The following AFF1 variants were observed in gnomAD, a reference collection of about 807,000 sequenced individuals.
AFF1 encodes the protein AF4/FMR2 family member 1.
Under a neutral mutation model 121.7 loss-of-function variants are expected in AFF1, and 48 were observed. The ratio of observed to expected loss-of-function variants is 0.39; its 90% CI spans 0.31 to 0.50. AFF1 has a LOEUF of 0.50. Ranked by LOEUF, AFF1 falls within the 20% of genes least tolerant of loss-of-function variation. The pLI, the probability that AFF1 is intolerant of heterozygous loss-of-function variation, is 0.76. For missense variants in AFF1, 1,523 were observed against 1,511.7 expected (o/e 1.01, Z -0.12); for synonymous variants, 613 against 563.0 (o/e 1.09, Z -1.26).
rs1369200894 is a variant in AFF1 at position 87,140,421 on chromosome 4, T to C, written c.*4720T>C. The C allele has an allele frequency of 5.4e-6, 1 of 185,076 alleles. No homozygotes were observed. The highest frequency in any genetic ancestry group is 2.4e-5 in the African/African-American group (1 of 42,538). 11.5% of individuals were successfully genotyped at this position (185,076 alleles called of 1,614,324 possible). ...AATTTTTTTTTTCTGAATGTGATCATGTTTTGGATGATACCTGAGCAGGGT... is the reference window on the plus strand; with the variant it reads ...AATTTTTTTTTTCTGAATGTGATCACGTTTTGGATGATACCTGAGCAGGGT... On this transcript the variant is annotated 3_prime_UTR_variant, in exon 21 of 21. Transcript: ENST00000395146.
chr4:87,071,831 A>G (rs1372773683), intron 4 of AFF1, among the ~76,000 whole-genome samples: 1 of 152,196 alleles, frequency 6.6e-6, no homozygotes, highest in East Asian at 1.9e-4. Flanking sequence ...ATGGAGGGAA[A>G]GGGAAGAATC....
At position 87,046,771 on chromosome 4, in the gene AFF1, G is replaced by C. The variant is rs761313603; in HGVS notation, c.236G>C (p.Ser79Thr). 6.2e-7 allele frequency: 1 copy of C among 1,614,148 alleles called. No homozygotes were observed. The highest frequency in any genetic ancestry group is 1.7e-5 in the Admixed American group (1 of 60,024). Residue 79 changes from serine to threonine, a missense_variant, in exon 4 of 21, where the codon AGT (serine) becomes ACT (threonine). Coordinates refer to ENST00000395146, the MANE Select transcript of AFF1 (RefSeq NM_001166693.3). ...GNYEEVKEFL[S>T]TKSHTHRLDA... ...TACGAAGAAGTGAAGGAGTTCCTTAGTACTAAGTCTCACACTCATCGCCTG... is the reference window on the plus strand; with the variant it reads ...TACGAAGAAGTGAAGGAGTTCCTTACTACTAAGTCTCACACTCATCGCCTG...
At chr4:87,006,910 A>G (rs1449514347) in intron 2 of AFF1, 3 of 991,092 alleles carry the variant, frequency 3.0e-6, no homozygotes, top group Non-Finnish European at 3.6e-6. Flanking sequence ...TGCCCATTTA[A>G]GTAGGCGGGC....
chr4:87,132,206 G>T (rs1202375252), intron 18 of AFF1, 65 bp from the exon 19 acceptor site: 4 of 1,569,000 alleles, frequency 2.5e-6, no homozygotes, highest in South Asian at 2.4e-5. Flanking sequence ...GCTATAAAAG[G>T]TTAGATGGCT....
At chr4:86,964,435 CTTT>C (rs567637293) in intron 2 of AFF1, among the ~76,000 whole-genome samples, 6 of 127,492 alleles carry the variant, frequency 4.7e-5, no homozygotes, top group Non-Finnish European at 6.6e-5. Flanking sequence ...TTCTATACAT[CTTT>C]TTTTTTTTTT....
In AFF1 at chr4:86,987,437, T is replaced by C. The variant is rs1578905272; in HGVS notation, c.38+38866T>C. 2.6e-5 allele frequency among the ~76,000 whole-genome samples: 4 copies of C among 152,176 alleles called. No individual in the cohort carries two copies. In the East Asian group the frequency reaches 7.7e-4, roughly 29 times the overall value. On this transcript the variant is annotated intron_variant, in intron 2 of 20. Coordinates refer to ENST00000395146, the MANE Select transcript of AFF1 (RefSeq NM_001166693.3). ...GAGCAGGATCTGAACATAACAGCTCTGGGCCTTGAGTCAGGGGTCATTTAG... is the reference window on the plus strand; with the variant it reads ...GAGCAGGATCTGAACATAACAGCTCCGGGCCTTGAGTCAGGGGTCATTTAG...
At chr4:86,939,010 T>TG (rs1720255380) in intron 1 of AFF1, among the ~76,000 whole-genome samples, 1 of 152,248 alleles carries the variant, frequency 6.6e-6, no homozygotes, top group South Asian at 2.1e-4. Context: ...AGGAATCAAT[T>TG]ACATCATTAA....
intron 7 of AFF1, among the ~76,000 whole-genome samples, chr4:87,094,600 T>C (rs536818976): frequency 7.2e-5 from 11 of 152,318 alleles, no homozygotes; most frequent in Non-Finnish European, 7.4e-5. Context: ...AGCATAGCCC[T>C]GGCAGAGTGC....
chr4:87,061,267 C>T (rs935854605), intron 4 of AFF1, among the ~76,000 whole-genome samples: 2 of 152,182 alleles, frequency 1.3e-5, no homozygotes, highest in African/African-American at 4.8e-5. Context: ...GAGGAGACCA[C>T]AGCAGTAAAG....
At chr4:87,032,402 G>A (rs1454467155) in intron 2 of AFF1, among the ~76,000 whole-genome samples, 2 of 152,178 alleles carry the variant, frequency 1.3e-5, no homozygotes, top group African/African-American at 2.4e-5. Context: ...CGAGTGTGGC[G>A]TGTGTAATTA....
At chr4:87,038,208 G>C (rs1729758900) in intron 2 of AFF1, among the ~76,000 whole-genome samples, 1 of 152,144 alleles carries the variant, frequency 6.6e-6, no homozygotes, top group Non-Finnish European at 1.5e-5. Context: ...TTTTAAGAAT[G>C]TTATTCATGT....
At chr4:86,998,116 A>AAAAAAC (rs1725374274) in intron 2 of AFF1, among the ~76,000 whole-genome samples, 3 of 150,872 alleles carry the variant, frequency 2.0e-5, no homozygotes. Flanking sequence ...AAAAAAAAAA[A>AAAAAAC]AAAAAAAAAA....
rs545083279 is a variant in AFF1 at position 87,069,539 on chromosome 4, CCT to C, written c.1060-14578_1060-14577del. Among the ~76,000 whole-genome samples the C allele has an allele frequency of 4.1e-3, 607 of 147,412 alleles. 8 individuals carry two copies. The highest frequency in any genetic ancestry group is 4.1e-3 in the Non-Finnish European group (278 of 67,262). On this transcript the variant is annotated intron_variant, in intron 4 of 20. Transcript: ENST00000395146. The stretch of plus-strand genomic sequence containing the variant: ...CTCTCCCCTCCTCTTTCTCTCCCCT[CCT>C]CTTTCTCTCCCCTTTCCCTCTCCTC...
chr4:86,995,294 C>T (rs1324697986), intron 2 of AFF1, among the ~76,000 whole-genome samples: 1 of 122,302 alleles, frequency 8.2e-6, no homozygotes, highest in Non-Finnish European at 1.8e-5. Flanking sequence ...CCCTCCCCCT[C>T]TCCCTCCCTC....
chr4:87,079,193 T>C (rs1722939476), intron 4 of AFF1, among the ~76,000 whole-genome samples: 1 of 152,196 alleles, frequency 6.6e-6, no homozygotes, highest in East Asian at 1.9e-4. Context: ...AGCATTGTTA[T>C]AAAAATGCCG....
intron 5 of AFF1, among the ~76,000 whole-genome samples, chr4:87,087,983 T>C (rs1170591610): frequency 6.6e-6 from 1 of 152,264 alleles, no homozygotes; most frequent in African/African-American, 2.4e-5. Context: ...ACTGGACTTT[T>C]AATTAAAAGT....
At chr4:87,135,292 AC>A (rs1310783148) in intron 20 of AFF1, among the ~76,000 whole-genome samples, 1 of 151,896 alleles carries the variant, frequency 6.6e-6, no homozygotes. Context: ...AATGCTTTTA[AC>A]TTTTTTTTTT....
chr4:86,950,228 G>T, intron 2 of AFF1: 2 of 987,312 alleles, frequency 2.0e-6, no homozygotes, highest in South Asian at 1.4e-5. Flanking sequence ...GCCCCGGCTG[G>T]AGTGCAGTGC....
chr4:87,076,986 T>C (rs1487394583), intron 4 of AFF1, among the ~76,000 whole-genome samples: 2 of 152,250 alleles, frequency 1.3e-5, no homozygotes, highest in African/African-American at 4.8e-5. Context: ...CTCTTAGAAA[T>C]GATGATTATG....
Sources: allele counts gnomAD v4.1 joint callset (sites outside exome capture counted in the v4.1 genomes callset), GRCh38; gene constraint gnomAD v4.1.1; transcripts MANE v1.5; gene names NCBI Gene and HGNC (gene_info 2026-07-23, HGNC 2026-07-21).